The following SYNPO2 variants were observed in gnomAD, a reference collection of about 807,000 sequenced individuals.
The protein encoded by SYNPO2 is synaptopodin 2, also known as synaptopodin-2.
Under a neutral mutation model 85.0 loss-of-function variants are expected in SYNPO2, and 56 were observed. The observed-to-expected ratio is 0.66, with a 90% CI of 0.53 to 0.82. SYNPO2 has a LOEUF of 0.82. SYNPO2 is among the 40% of genes least tolerant of loss of function. SYNPO2 has a pLI of 0.00. For missense variants in SYNPO2, 1,575 were observed against 1,534.2 expected, an observed-to-expected ratio of 1.03 and a Z score of -0.44; for synonymous variants, 602 against 591.1, an observed-to-expected ratio of 1.02 and a Z score of -0.27.
Position 119,021,836 on chromosome 4 carries a change from C to T in SYNPO2, c.106-1594C>T, listed in dbSNP as rs930235164. ...TGATAGAGGGGCAGGCTGACAGGAGCTGCAACTCTCTAGACTGAAGAACAG... is the reference window on the plus strand; with the variant it reads ...TGATAGAGGGGCAGGCTGACAGGAGTTGCAACTCTCTAGACTGAAGAACAG... On this transcript the variant is annotated intron_variant, in intron 1 of 4. Coordinates refer to ENST00000307142, the MANE Select transcript of SYNPO2 (RefSeq NM_133477.3). Among the ~76,000 whole-genome samples the T allele has an allele frequency of 3.3e-5, 5 of 152,236 alleles. No homozygotes were observed. In the East Asian group the frequency reaches 9.7e-4, roughly 29 times the overall value.
Position 119,057,484 on chromosome 4 carries a change from T to C in SYNPO2, c.3336T>C (p.Tyr1112=), listed in dbSNP as rs777964245. 4.3e-6 allele frequency: 7 copies of C among 1,614,094 alleles called. No homozygotes were observed. Among genetic ancestry groups the C allele is most frequent in the Admixed American group, 1.7e-5 (1 of 60,016 alleles). Residue 1112 remains tyrosine, a synonymous_variant, in exon 5 of 5, where the codon TAT becomes TAC. Transcript: ENST00000307142. ...STSPWVYQPT[Y]SYSSKPTDGL... ...CTCCTTGGGTATACCAGCCTACTTA[T>C]AGTTACTCTAGTAAACCAACCGATG...
intron 1 of SYNPO2, among the ~76,000 whole-genome samples, chr4:118,965,682 A>G (rs1018009484): frequency 2.6e-5 from 4 of 152,156 alleles, no homozygotes; most frequent in Non-Finnish European, 5.9e-5. Context: ...GATGTCTGCT[A>G]TGTATCAGGC....
intron 1 of SYNPO2, among the ~76,000 whole-genome samples, chr4:118,878,750 ACT>A (rs1448061294): frequency 1.3e-5 from 2 of 152,162 alleles, no homozygotes; most frequent in Non-Finnish European, 2.9e-5. Context: ...ACCAATCAGC[ACT>A]CTGTAAAATG....
rs17050152 is a variant in SYNPO2 at position 119,026,904 on chromosome 4, G to A, written c.535G>A (p.Ala179Thr). The A allele has an allele frequency of 6.7e-3, 10,750 of 1,614,122 alleles. 560 individuals are homozygous for A. In the African/African-American group the frequency reaches 0.12, roughly 18 times the overall value. ...QMPDSQRGRV[A>T]EELILREKVE... ...GCCTGACTCCCAAAGAGGACGCGTG[G>A]CAGAAGAGCTGATCTTAAGGGAGAA... The change falls in exon 3 of 5, where the codon GCA (alanine) becomes ACA (threonine). Residue 179 changes from alanine (A) to threonine (T), a missense_variant. Transcript: ENST00000307142.
chr4:118,885,535 C>G (rs184018574), upstream of SYNPO2, among the ~76,000 whole-genome samples: 1 of 148,708 alleles, frequency 6.7e-6, no homozygotes, highest in South Asian at 2.1e-4. Context: ...TGCAGTGGTA[C>G]GGTCTCGGCT....
intron 1 of SYNPO2, among the ~76,000 whole-genome samples, chr4:118,900,413 CA>C (rs1732682066): frequency 6.6e-6 from 1 of 151,924 alleles, no homozygotes; most frequent in Admixed American, 6.6e-5. Context: ...TAAGGATTTG[CA>C]AGAGATACCA....
intron 4 of SYNPO2, chr4:119,035,265 A>G: frequency 1.0e-6 from 1 of 985,446 alleles, no homozygotes; most frequent in Non-Finnish European, 1.2e-6. Flanking sequence ...GCTATAATGA[A>G]TCTGCATAAC....
chr4:118,868,897 T>A (rs571777830), intron 1 of SYNPO2, among the ~76,000 whole-genome samples: 5 of 152,270 alleles, frequency 3.3e-5, no homozygotes, highest in African/African-American at 1.2e-4. Flanking sequence ...GCCACTGATG[T>A]GGACAGAGGG....
Position 118,993,317 on chromosome 4 carries a change from G to A in SYNPO2, c.106-30113G>A, listed in dbSNP as rs562229410. On this transcript the variant is annotated intron_variant, in intron 1 of 4. Transcript: ENST00000307142. ...AAATGAAATAGTAAGCATGATGGAC[G>A]GTGAGGATTAGCCATTGTAGAGAAA... Among the ~76,000 whole-genome samples the A allele has an allele frequency of 5.3e-5, 8 of 152,218 alleles. No individual in the cohort carries two copies. The South Asian group carries it at 1.0e-3, about 20-fold the overall frequency.
At position 118,928,389 on chromosome 4, in the gene SYNPO2, C is replaced by T. The variant is rs1383747648; in HGVS notation, c.105+39248C>T. ...AAATGTTGATCCTTGAGAAAGCTTG[C>T]CAACCTGCATATAAATTTGTGTGGG... On this transcript the variant is annotated intron_variant, in intron 1 of 4. Coordinates refer to ENST00000307142, the MANE Select transcript of SYNPO2 (RefSeq NM_133477.3). 2.6e-5 allele frequency among the ~76,000 whole-genome samples: 4 copies of T among 152,214 alleles called. No individual in the cohort carries two copies. The East Asian group carries it at 7.7e-4, about 29-fold the overall frequency.
intron 1 of SYNPO2, among the ~76,000 whole-genome samples, chr4:118,946,393 C>T (rs116214341): frequency 0.011 from 1,688 of 151,832 alleles, 27 homozygotes; most frequent in African/African-American, 0.038. Flanking sequence ...GTTTTGTGAC[C>T]TCCCATACTA....
intron 1 of SYNPO2, among the ~76,000 whole-genome samples, chr4:118,859,859 A>G (rs1230611229): frequency 1.3e-5 from 2 of 152,172 alleles, no homozygotes; most frequent in African/African-American, 4.8e-5. Flanking sequence ...GGCTATTGTG[A>G]ATAGTGCTGC....
chr4:118,864,329 A>C (rs1032532350), intron 1 of SYNPO2, among the ~76,000 whole-genome samples: 1 of 152,112 alleles, frequency 6.6e-6, no homozygotes, highest in African/African-American at 2.4e-5. Flanking sequence ...ACTATTTTAA[A>C]TTTTTTAAAG....
chr4:118,891,341 G>A (rs1427974195), intron 1 of SYNPO2, among the ~76,000 whole-genome samples: 1 of 152,170 alleles, frequency 6.6e-6, no homozygotes, highest in Non-Finnish European at 1.5e-5. Context: ...GTGTTTGTGT[G>A]TGCAAGAGAG....
intron 1 of SYNPO2, among the ~76,000 whole-genome samples, chr4:118,970,522 T>C (rs1735500444): frequency 6.6e-6 from 1 of 152,222 alleles, no homozygotes; most frequent in Non-Finnish European, 1.5e-5. Context: ...GATACCTCCC[T>C]TGGATAAGAT....
intron 1 of SYNPO2, among the ~76,000 whole-genome samples, chr4:118,928,217 T>C (rs1358238058): frequency 6.6e-6 from 1 of 152,220 alleles, no homozygotes; most frequent in East Asian, 1.9e-4. Flanking sequence ...GTGTTGATAT[T>C]TTATGGCAAG....
At chr4:119,054,276 G>T (rs186007078) in intron 4 of SYNPO2, among the ~76,000 whole-genome samples, 1 of 152,222 alleles carries the variant, frequency 6.6e-6, no homozygotes, top group African/African-American at 2.4e-5. Flanking sequence ...GTCCACAGAC[G>T]GTGGTTTGTT....
At chr4:119,017,086 A>G (rs1737552169) in intron 1 of SYNPO2, among the ~76,000 whole-genome samples, 1 of 152,220 alleles carries the variant, frequency 6.6e-6, no homozygotes, top group South Asian at 2.1e-4. Flanking sequence ...AAAACCCAAC[A>G]TGAGAACAGG....
rs1440813232 is a variant in SYNPO2, at chr4:118,927,756, T to C, written c.105+38615T>C. 4.2e-3 allele frequency among the ~76,000 whole-genome samples: 580 copies of C among 137,500 alleles called. 3 individuals are homozygous for C. The highest frequency in any genetic ancestry group is 0.012 in the African/African-American group (436 of 36,300). The allele number at this position is 137,500 out of a possible 152,430, so 90.2% of individuals were successfully genotyped here. On this transcript the variant is annotated intron_variant, in intron 1 of 4. Coordinates refer to ENST00000307142, the MANE Select transcript of SYNPO2 (RefSeq NM_133477.3). ...GATAGATAGATAGATAGATGATAGA[T>C]AGATATATAGATAGATAGATGATAG...
Sources: allele counts gnomAD v4.1 joint callset (sites outside exome capture counted in the v4.1 genomes callset), GRCh38; gene constraint gnomAD v4.1.1; transcripts MANE v1.5; gene names NCBI Gene and HGNC (gene_info 2026-07-23, HGNC 2026-07-21).